The following RGS7 variants were observed in gnomAD, a reference collection of about 807,000 sequenced individuals.
The protein encoded by RGS7 is regulator of G protein signaling 7.
A neutral mutation model predicts 81.1 loss-of-function variants in RGS7; 27 were observed. The observed-to-expected ratio is 0.33, with a 90% CI of 0.25 to 0.46. RGS7 has a LOEUF of 0.46. Among genes scored for constraint, RGS7 ranks in the 20% least tolerant of loss-of-function variants. The probability of loss-of-function intolerance (pLI) is 1.00; values close to 1 mark genes in which losing one functional copy is unlikely to be tolerated. For missense variants in RGS7, 396 were observed against 607.4 expected, an observed-to-expected ratio of 0.65 and a Z score of 3.66; for synonymous variants, 208 against 207.7, an observed-to-expected ratio of 1.00 and a Z score of -0.01.
In RGS7 at chr1:240,847,177, T is replaced by C. The variant is rs1168292561; in HGVS notation, c.610-20005A>G. On this transcript the variant is annotated intron_variant, in intron 9 of 18. Transcript: ENST00000440928. The stretch of plus-strand genomic sequence containing the variant: ...ACCAGTTCATAGCTATCTGCTAACC[T>C]TTTTACCCACCTCCTCATCTCCTTT... Among the ~76,000 whole-genome samples, 12 of 152,328 alleles carry C rather than the reference T, an allele frequency of 7.9e-5. No homozygotes were observed. In the East Asian group the frequency reaches 2.1e-3, roughly 27 times the overall value.
At chr1:241,145,734 ACT>A (rs1294443122) in intron 2 of RGS7, among the ~76,000 whole-genome samples, 1 of 152,158 alleles carries the variant, frequency 6.6e-6, no homozygotes, top group Non-Finnish European at 1.5e-5. Flanking sequence ...ACAGAGTGAG[ACT>A]CTGTCCAAAA....
intron 2 of RGS7, among the ~76,000 whole-genome samples, chr1:241,323,253 C>G (rs937281076): frequency 1.3e-5 from 2 of 152,146 alleles, no homozygotes; most frequent in African/African-American, 4.8e-5. Flanking sequence ...ATATCAAGTT[C>G]TAAATAATAT....
chr1:240,787,321 A>G (rs1685235817), intron 18 of RGS7, among the ~76,000 whole-genome samples: 2 of 152,032 alleles, frequency 1.3e-5, no homozygotes, highest in South Asian at 2.1e-4. Flanking sequence ...CTCCCTGTAG[A>G]CCCTGTATTA....
At chr1:241,071,880 A>AAAAAAAAAAAAAAC (rs2062480710) in intron 3 of RGS7, among the ~76,000 whole-genome samples, 1 of 100,134 alleles carries the variant, frequency 1.0e-5, no homozygotes, top group African/African-American at 3.2e-5. Context: ...CTGTCAAAAA[A>AAAAAAAAAAAAAAC]AAAAAAAAAA....
chr1:241,159,708 T>C (rs762396069), intron 2 of RGS7, among the ~76,000 whole-genome samples: 3 of 152,100 alleles, frequency 2.0e-5, no homozygotes, highest in Non-Finnish European at 4.4e-5. Flanking sequence ...TAGGACAGTT[T>C]GGAAAGCATT....
intron 3 of RGS7, among the ~76,000 whole-genome samples, chr1:241,027,164 T>C (rs1397115763): frequency 1.3e-5 from 2 of 151,626 alleles, no homozygotes; most frequent in South Asian, 2.1e-4. Context: ...GATTATGTCA[T>C]TGTACTCCAG....
chr1:241,029,978 G>T (rs561783578), intron 3 of RGS7, among the ~76,000 whole-genome samples: 1 of 152,298 alleles, frequency 6.6e-6, no homozygotes, highest in Non-Finnish European at 1.5e-5. Flanking sequence ...ACCAATGACG[G>T]TTCTGCAGTT....
chr1:241,329,253 A>T (rs2081814300), intron 2 of RGS7, among the ~76,000 whole-genome samples: 1 of 152,252 alleles, frequency 6.6e-6, no homozygotes, highest in Non-Finnish European at 1.5e-5. Flanking sequence ...ACCAATAAGT[A>T]TTAAGAGAAT....
chr1:241,248,040 T>C (rs2076635091), intron 2 of RGS7, among the ~76,000 whole-genome samples: 2 of 152,206 alleles, frequency 1.3e-5, no homozygotes, highest in South Asian at 4.1e-4. Flanking sequence ...TGTCCAAATA[T>C]CTTTGTGAAG....
intron 9 of RGS7, among the ~76,000 whole-genome samples, chr1:240,827,711 A>C (rs527484782): frequency 6.6e-6 from 1 of 152,066 alleles, no homozygotes; most frequent in African/African-American, 2.4e-5. Flanking sequence ...AAAAATACAA[A>C]AAATTAGCTG....
intron 3 of RGS7, among the ~76,000 whole-genome samples, chr1:241,066,416 T>C (rs931483625): frequency 6.6e-6 from 1 of 152,220 alleles, no homozygotes; most frequent in African/African-American, 2.4e-5. Context: ...AAAGAAACTA[T>C]AGTCATAGGA....
At chr1:241,009,427 G>T (rs953833609) in intron 3 of RGS7, among the ~76,000 whole-genome samples, 47 of 152,178 alleles carry the variant, frequency 3.1e-4, no homozygotes, top group African/African-American at 6.5e-4. Context: ...CCTGGATTCT[G>T]ACTCTTTCAT....
At chr1:241,309,760 T>A (rs538358707) in intron 2 of RGS7, among the ~76,000 whole-genome samples, 1 of 152,364 alleles carries the variant, frequency 6.6e-6, no homozygotes, top group South Asian at 2.1e-4. Context: ...ATGCAGATTG[T>A]GACATTTGCT....
At chr1:241,290,525 T>C (rs753756722) in intron 2 of RGS7, among the ~76,000 whole-genome samples, 4 of 152,198 alleles carry the variant, frequency 2.6e-5, no homozygotes, top group Non-Finnish European at 5.9e-5. Flanking sequence ...GAAAGGAAAT[T>C]GTGTCCTGTT....
At chr1:241,343,687 A>G (rs985037004) in intron 2 of RGS7, among the ~76,000 whole-genome samples, 1 of 152,210 alleles carries the variant, frequency 6.6e-6, no homozygotes, top group Non-Finnish European at 1.5e-5. Context: ...GGTGATTGCA[A>G]TGGGACTGGT....
chr1:241,172,802 A>C (rs1053950662), intron 2 of RGS7, among the ~76,000 whole-genome samples: 4 of 152,254 alleles, frequency 2.6e-5, no homozygotes, highest in African/African-American at 7.2e-5. Context: ...AAGAGAATGC[A>C]ATAAGTAGTG....
At chr1:241,330,660 C>A (rs1203628867) in intron 2 of RGS7, among the ~76,000 whole-genome samples, 1 of 152,070 alleles carries the variant, frequency 6.6e-6, no homozygotes, top group African/African-American at 2.4e-5. Flanking sequence ...GTCAAGCTAC[C>A]CCTATAGCTA....
At chr1:240,822,873 C>A in intron 10 of RGS7, 1 of 335,146 alleles carries the variant, frequency 3.0e-6, no homozygotes, top group South Asian at 2.9e-5. Context: ...TGTAGGAAAA[C>A]ATTTGAGTTT....
In RGS7 at chr1:240,816,363, G is replaced by A; in HGVS notation, c.737C>T (p.Pro246Leu). Residue 246 changes from proline to leucine, a missense_variant, in exon 11 of 19, where the codon CCC becomes CTC. Transcript: ENST00000440928. ...DIRSHSPTHT[P>L]TPETKPPTED... ...TGTTGGAGGTTTAGTTTCTGGTGTG[G>A]GTGTGTGGGTAGGACTGTGACTTCT... is the stretch of plus-strand genomic sequence containing the variant. 1 of 1,612,144 alleles carries A rather than the reference G, an allele frequency of 6.2e-7. No individual in the cohort carries two copies. Among genetic ancestry groups the A allele is most frequent in the Non-Finnish European group, 8.5e-7 (1 of 1,178,408 alleles).
Sources: allele counts gnomAD v4.1 joint callset (sites outside exome capture counted in the v4.1 genomes callset), GRCh38; gene constraint gnomAD v4.1.1; transcripts MANE v1.5; gene names NCBI Gene and HGNC (gene_info 2026-07-23, HGNC 2026-07-21).